MEGF11: variants seen among roughly 807,000 people sequenced by gnomAD.
The protein encoded by MEGF11 is multiple epidermal growth factor-like domains protein 11.
A neutral mutation model predicts 146.6 loss-of-function variants in MEGF11; 126 were observed. The ratio of observed to expected loss-of-function variants is 0.86; its 90% CI spans 0.74 to 1.00. The LOEUF is 1.00. Among genes scored for constraint, MEGF11 ranks in the 50% least tolerant of loss-of-function variants. The pLI is 0.00. For missense variants in MEGF11, 1,509 were observed against 1,521.2 expected (o/e 0.99, Z 0.13); for synonymous variants, 532 against 583.4 (o/e 0.91, Z 1.27).
intron 2 of MEGF11, 124 bp downstream of exon 2, chr15:66,128,182 T>A: frequency 1.8e-6 from 1 of 541,096 alleles, no homozygotes; most frequent in Non-Finnish European, 3.1e-6. Flanking sequence ...GTGGGCCATC[T>A]CCCCAGCCAG....
intron 1 of MEGF11, among the ~76,000 whole-genome samples, chr15:66,136,263 C>T (rs1438469274): frequency 6.6e-6 from 1 of 152,220 alleles, no homozygotes; most frequent in African/African-American, 2.4e-5. Flanking sequence ...GTATTGCTGT[C>T]GTGGTCGGGA....
chr15:66,185,605 G>T (rs2090673947), intron 1 of MEGF11, among the ~76,000 whole-genome samples: 1 of 152,174 alleles, frequency 6.6e-6, no homozygotes, highest in African/African-American at 2.4e-5. Flanking sequence ...CTCTGGACTT[G>T]CTCCCCAGAC....
In MEGF11 at chr15:65,922,463, G is replaced by C. The variant is rs1380075733; in HGVS notation, c.1832C>G (p.Pro611Arg). 1 of 1,573,496 alleles carries C rather than the reference G, an allele frequency of 6.4e-7. No homozygotes were observed. Among genetic ancestry groups the C allele is most frequent in the Non-Finnish European group, 8.6e-7 (1 of 1,159,974 alleles). ...RGPLCQRICP[P>R]GFYGHGCAQP... ...GGCGCAGCCGTGGCCATAGAACCCA[G>C]GGGGGCAGACTGAGGGTGAAGGGAA... Residue 611 changes from proline to arginine, a missense_variant, in exon 15 of 26, where the codon CCT becomes CGT. Pro to Arg is a moderately radical substitution (Grantham distance 103, BLOSUM62 -2). Coordinates refer to ENST00000395614, the MANE Select transcript of MEGF11 (RefSeq NM_001385028.1).
At chr15:66,090,462 C>T (rs548849364) in intron 5 of MEGF11, among the ~76,000 whole-genome samples, 4 of 152,288 alleles carry the variant, frequency 2.6e-5, no homozygotes, top group South Asian at 4.1e-4. Context: ...TGCATGAAAC[C>T]GATTTGAGGT....
chr15:66,209,569 A>G (rs1436543111), intron 1 of MEGF11, among the ~76,000 whole-genome samples: 2 of 152,204 alleles, frequency 1.3e-5, no homozygotes, highest in African/African-American at 4.8e-5. Flanking sequence ...ACCATAAAAT[A>G]CTATTCAACA....
intron 1 of MEGF11, among the ~76,000 whole-genome samples, chr15:66,129,321 G>A (rs1159686855): frequency 2.0e-5 from 3 of 152,254 alleles, no homozygotes; most frequent in Non-Finnish European, 2.9e-5. Context: ...TTGCGACCTG[G>A]TGGGTCGCTG....
chr15:66,040,638 C>T (rs538939659), intron 5 of MEGF11, among the ~76,000 whole-genome samples: 1 of 152,132 alleles, frequency 6.6e-6, no homozygotes, highest in Non-Finnish European at 1.5e-5. Context: ...GGTGGCAGTG[C>T]TAAATGGGGA....
At chr15:66,221,331 G>T (rs1301942720) in intron 1 of MEGF11, among the ~76,000 whole-genome samples, 4 of 152,074 alleles carry the variant, frequency 2.6e-5, no homozygotes, top group African/African-American at 9.7e-5. Context: ...TCCTGCCCAT[G>T]CTTCCGGCCC....
chr15:66,009,845 C>T (rs895492282), intron 5 of MEGF11, among the ~76,000 whole-genome samples: 1 of 152,094 alleles, frequency 6.6e-6, no homozygotes, highest in African/African-American at 2.4e-5. Flanking sequence ...CCACCCACAT[C>T]GGCCTCCCAA....
intron 1 of MEGF11, among the ~76,000 whole-genome samples, chr15:66,147,051 A>G (rs937074392): frequency 4.6e-5 from 7 of 152,126 alleles, no homozygotes; most frequent in South Asian, 2.1e-4. Context: ...CGGTAGCCCA[A>G]TTGTAGCCGC....
intron 5 of MEGF11, among the ~76,000 whole-genome samples, chr15:65,990,908 G>A (rs185919830): frequency 2.6e-5 from 4 of 152,238 alleles, no homozygotes; most frequent in East Asian, 1.9e-4. Context: ...GTGGTTACCC[G>A]AGCTCTGAGC....
intron 1 of MEGF11, among the ~76,000 whole-genome samples, chr15:66,244,957 C>A (rs1597173338): frequency 6.6e-6 from 1 of 152,100 alleles, no homozygotes; most frequent in Non-Finnish European, 1.5e-5. Context: ...AATAAACACA[C>A]CAATAAAATG....
intron 5 of MEGF11, among the ~76,000 whole-genome samples, chr15:66,011,986 T>G (rs939505173): frequency 9.2e-5 from 14 of 152,020 alleles, no homozygotes; most frequent in African/African-American, 3.4e-4. Flanking sequence ...GTAATCCCAA[T>G]GCTGTGGGAG....
At chr15:66,132,846 C>T (rs770796811) in intron 1 of MEGF11, among the ~76,000 whole-genome samples, 18 of 152,206 alleles carry the variant, frequency 1.2e-4, no homozygotes, top group Admixed American at 7.2e-4. Flanking sequence ...TTATTTCCTT[C>T]CCCTTGTACC....
chr15:66,010,692 A>T (rs1046363393), intron 5 of MEGF11, among the ~76,000 whole-genome samples: 1 of 152,160 alleles, frequency 6.6e-6, no homozygotes, highest in East Asian at 1.9e-4. Flanking sequence ...CAGAGTGTCA[A>T]TGTTGGACGT....
intron 10 of MEGF11, among the ~76,000 whole-genome samples, chr15:65,932,223 G>A (rs1377427568): frequency 3.9e-5 from 6 of 152,152 alleles, no homozygotes; most frequent in Admixed American, 6.5e-5. Context: ...AAGGGAGGGA[G>A]ATCCTTTATG....
chr15:66,039,210 A>G (rs333596), intron 5 of MEGF11, among the ~76,000 whole-genome samples: 147,891 of 152,324 alleles, frequency 0.97, 71,870 homozygotes, highest in Middle Eastern at 1. Context: ...CAGACATGAA[A>G]AGACAGAGGA....
At chr15:65,905,666 C>G in intron 24 of MEGF11, 1 of 159,554 alleles carries the variant, frequency 6.3e-6, no homozygotes, top group Non-Finnish European at 1.4e-5. Flanking sequence ...ATTTTCATTC[C>G]TTGTGCCCCC....
chr15:66,139,609 T>TA lies in MEGF11; in HGVS notation c.-8-11199dup, dbSNP rs60872045. Among the ~76,000 whole-genome samples, 153 of 142,992 alleles carry TA rather than the reference T, an allele frequency of 1.1e-3. 2 individuals are homozygous for TA. The Middle Eastern group carries it at 0.014, about 14-fold the overall frequency. 93.8% of individuals were successfully genotyped at this position (142,992 alleles called of 152,430 possible). Reference sequence around the variant, plus strand: ...ATCATATTTTTAGACCACAGTAGGATAAAAAAAAAAAAAAATGGGAGGGAG... The same window carrying TA: ...ATCATATTTTTAGACCACAGTAGGATAAAAAAAAAAAAAAAATGGGAGGGAG... On this transcript the variant is annotated intron_variant, in intron 1 of 25. Transcript: ENST00000395614.
Sources: gnomAD v4.1 joint callset for allele counts (sites outside exome capture counted in the v4.1 genomes callset) on GRCh38, gnomAD v4.1.1 for gene constraint, MANE v1.5 for transcripts, NCBI Gene and HGNC (gene_info 2026-07-23, HGNC 2026-07-21) for gene names.